Variants in TEX15 observed in about 807,000 individuals in gnomAD.
TEX15 encodes the protein testis expressed 15, meiosis and synapsis associated, also known as testis-expressed protein 15.
A neutral mutation model predicts 237.3 loss-of-function variants in TEX15; 171 were observed. The observed-to-expected ratio is 0.72, with a 90% CI of 0.64 to 0.82. The LOEUF (loss-of-function observed/expected upper bound fraction) is 0.82, where lower values mean the gene tolerates loss of function less well. TEX15 is among the 40% of genes least tolerant of loss of function. TEX15 has a pLI of 0.00. For missense variants in TEX15, 3,750 were observed against 3,646.5 expected, an observed-to-expected ratio of 1.03 and a Z score of -0.73; for synonymous variants, 1,338 against 1,269.8, an observed-to-expected ratio of 1.05 and a Z score of -1.14.
intron 1 of TEX15, among the ~76,000 whole-genome samples, chr8:30,911,018 T>C (rs1027294818): frequency 6.6e-6 from 1 of 152,230 alleles, no homozygotes; most frequent in Non-Finnish European, 1.5e-5. Context: ...CAAGCAGCGA[T>C]GATATATTTT....
rs780627440 is a variant in TEX15 at position 30,848,716 on chromosome 8, G to C, written c.1451C>G (p.Pro484Arg). ...SNSASSSEVVPGDCAVLTNGL... is the reference protein window; with the variant it reads ...SNSASSSEVVRGDCAVLTNGL... ...ATTAGTAAGAACAGCACAATCACCA[G>C]GGACAACTTCTGAGGAGGAGGCAGA... Residue 484 changes from proline to arginine, a missense_variant, in exon 8 of 11, where the codon CCT becomes CGT. Pro to Arg is a moderately radical substitution (Grantham distance 103). Transcript: ENST00000643185. 9 of 1,614,018 alleles carry C rather than the reference G, an allele frequency of 5.6e-6. No individual in the cohort carries two copies. In the African/African-American group the frequency reaches 8.0e-5, roughly 14 times the overall value.
chr8:30,897,096 T>G (rs551327418), intron 2 of TEX15, among the ~76,000 whole-genome samples: 7 of 152,158 alleles, frequency 4.6e-5, no homozygotes, highest in African/African-American at 1.7e-4. Context: ...TTGAAAAAAA[T>G]TTTTTTGAAA....
At chr8:30,885,747 A>G (rs1177447608) in intron 3 of TEX15, among the ~76,000 whole-genome samples, 1 of 152,160 alleles carries the variant, frequency 6.6e-6, no homozygotes, top group Non-Finnish European at 1.5e-5. Flanking sequence ...GGTGTTGCTG[A>G]GTTCAACTAT....
chr8:30,858,365 G>A (rs1194239045), intron 7 of TEX15, among the ~76,000 whole-genome samples: 1 of 150,524 alleles, frequency 6.6e-6, no homozygotes, highest in Non-Finnish European at 1.5e-5. Flanking sequence ...TAGGCTGGGC[G>A]CAGTGGTGTG....
intron 5 of TEX15, among the ~76,000 whole-genome samples, chr8:30,863,531 A>G (rs561637612): frequency 2.0e-5 from 3 of 152,314 alleles, no homozygotes; most frequent in Admixed American, 2.0e-4. Flanking sequence ...AGTGGCAACT[A>G]GAAGTGGCAG....
rs561415353 is a variant in TEX15 at position 30,878,353 on chromosome 8, C to T, written c.137-3251G>A. Among the ~76,000 whole-genome samples, 8 of 152,042 alleles carry T rather than the reference C, an allele frequency of 5.3e-5. No individual in the cohort carries two copies. In the South Asian group the frequency reaches 1.2e-3, roughly 24 times the overall value. On this transcript the variant is annotated intron_variant, in intron 3 of 10. Coordinates refer to ENST00000643185, the MANE Select transcript of TEX15 (RefSeq NM_001350162.2). ...CAGAGAAAAATGCCCAAGGGAAGGA[C>T]GGCTGGATCATATGGCAGTTGCATG... is the stretch of plus-strand genomic sequence containing the variant.
chr8:30,875,798 G>T (rs1222089634), intron 3 of TEX15, among the ~76,000 whole-genome samples: 1 of 151,698 alleles, frequency 6.6e-6, no homozygotes, highest in African/African-American at 2.4e-5. Flanking sequence ...GTTACTGTGG[G>T]CATCTGGTCA....
In TEX15 at chr8:30,847,491, T is replaced by G; in HGVS notation, c.2676A>C (p.Thr892=). The G allele has an allele frequency of 1.2e-6, 2 of 1,613,260 alleles. No individual in the cohort carries two copies. Among genetic ancestry groups the G allele is most frequent in the Non-Finnish European group, 1.7e-6 (2 of 1,179,822 alleles). Residue 892 remains threonine, a synonymous_variant, in exon 8 of 11, where the codon ACA becomes ACC. Transcript: ENST00000643185. ...IYGDKKQDSH[T]NENFSNIDEK... ...CATCTATATTGCTGAAATTTTCGTT[T>G]GTATGAGAATCCTGCTTTTTGTCTC...
intron 10 of TEX15, among the ~76,000 whole-genome samples, chr8:30,833,663 T>C (rs944123944): frequency 2.0e-5 from 3 of 152,212 alleles, no homozygotes; most frequent in African/African-American, 7.2e-5. Flanking sequence ...ACGAACAATA[T>C]AGTGACAAAT....
At position 30,848,250 on chromosome 8, in the gene TEX15, T is replaced by G; in HGVS notation, c.1917A>C (p.Ser639=). 1 of 1,612,254 alleles carries G rather than the reference T, an allele frequency of 6.2e-7. No homozygotes were observed. The highest frequency in any genetic ancestry group is 8.5e-7 in the Non-Finnish European group (1 of 1,179,704). The part of the protein sequence containing the change: ...DSSKHEEKQT[S]WKEIDNDFTN... ...TGAAATCATTATCAATTTCTTTCCA[T>G]GAAGTTTGCTTTTCTTCATGTTTGG... Residue 639 remains serine, a synonymous_variant, in exon 8 of 11, where the codon TCA becomes TCC. Transcript: ENST00000643185.
At chr8:30,839,233 G>A (rs1807389512) in intron 9 of TEX15, among the ~76,000 whole-genome samples, 1 of 152,002 alleles carries the variant, frequency 6.6e-6, no homozygotes, top group Non-Finnish European at 1.5e-5. Context: ...CTTTGGCCTG[G>A]AATTCACATA....
chr8:30,901,965 C>T (rs1809013269), intron 1 of TEX15, among the ~76,000 whole-genome samples: 1 of 152,164 alleles, frequency 6.6e-6, no homozygotes, highest in Non-Finnish European at 1.5e-5. Flanking sequence ...TATTTCTGGT[C>T]TAGTGAACTA....
At position 30,891,163 on chromosome 8, in the gene TEX15, G is replaced by A. The variant is rs557900805; in HGVS notation, c.-9-3852C>T. 6.6e-5 allele frequency among the ~76,000 whole-genome samples: 10 copies of A among 152,012 alleles called. No individual in the cohort carries two copies. The East Asian group carries it at 1.9e-3, about 30-fold the overall frequency. On this transcript the variant is annotated intron_variant, in intron 2 of 10. Coordinates refer to ENST00000643185, the MANE Select transcript of TEX15 (RefSeq NM_001350162.2). ...AGCTCAAGCGATCAATAAATGCCTT[G>A]GAGAATTCTGGTTTGTCCTCATTGC...
chr8:30,882,372 C>T (rs1260431765), intron 3 of TEX15, among the ~76,000 whole-genome samples: 2 of 152,206 alleles, frequency 1.3e-5, no homozygotes, highest in Non-Finnish European at 1.5e-5. Flanking sequence ...CTGCAAGCTC[C>T]GCCTCCTGGG....
chr8:30,835,610 T>C (rs1166316362), intron 10 of TEX15, among the ~76,000 whole-genome samples: 4 of 152,168 alleles, frequency 2.6e-5, no homozygotes, highest in Non-Finnish European at 5.9e-5. Flanking sequence ...GTATAAGATA[T>C]TAAAAGATGG....
chr8:30,848,777 T>C lies in TEX15; in HGVS notation c.1390A>G (p.Asn464Asp). The C allele has an allele frequency of 6.2e-7, 1 of 1,614,176 alleles. No individual in the cohort carries two copies. The highest frequency in any genetic ancestry group is 8.5e-7 in the Non-Finnish European group (1 of 1,180,032). The change falls in exon 8 of 11, where the codon AAT (asparagine) becomes GAT (aspartate). Residue 464 changes from asparagine to aspartate, a missense_variant. Asn to Asp is a conservative substitution (Grantham distance 23). Coordinates refer to ENST00000643185, the MANE Select transcript of TEX15 (RefSeq NM_001350162.2). Reference protein sequence around the residue: ...EVLQFEKSSDNVNSEIKSTPS... With the variant: ...EVLQFEKSSDDVNSEIKSTPS... ...GTCGATTTTATTTCTGAATTAACAT[T>C]ATCTGAACTCTTCTCAAATTGCAAA...
intron 3 of TEX15, among the ~76,000 whole-genome samples, chr8:30,876,126 T>A (rs1288005189): frequency 6.6e-6 from 1 of 152,192 alleles, no homozygotes; most frequent in African/African-American, 2.4e-5. Flanking sequence ...TGGTCAAATT[T>A]TTGACCACCA....
chr8:30,900,804 T>C lies in TEX15; in HGVS notation c.-85-1987A>G, dbSNP rs574361960. ...ACAGAACCACACCAACCACAGGTTT[T>C]AACAAAGAAGGTACTGATTTGGTAA... On this transcript the variant is annotated intron_variant, in intron 1 of 10. Transcript: ENST00000643185. Among the ~76,000 whole-genome samples, 4 of 152,336 alleles carry C rather than the reference T, an allele frequency of 2.6e-5. No homozygotes were observed. The South Asian group carries it at 6.2e-4, about 24-fold the overall frequency.
intron 4 of TEX15, among the ~76,000 whole-genome samples, chr8:30,872,199 T>A (rs567674534): frequency 1.3e-5 from 2 of 152,140 alleles, no homozygotes; most frequent in Admixed American, 1.3e-4. Context: ...TACCCCCAGA[T>A]TGCATTTAAA....
Sources: allele counts gnomAD v4.1 joint callset (sites outside exome capture counted in the v4.1 genomes callset), GRCh38; gene constraint gnomAD v4.1.1; transcripts MANE v1.5; gene names NCBI Gene and HGNC (gene_info 2026-07-23, HGNC 2026-07-21).